The following PCDHA3 variants were observed in gnomAD, a reference collection of about 807,000 sequenced individuals.
PCDHA3 encodes protocadherin alpha 3.
PCDHA3 carries 41 observed loss-of-function variants against 62.2 expected under a neutral mutation model. The observed-to-expected ratio is 0.66, with a 90% confidence interval of 0.51 to 0.86. The LOEUF (loss-of-function observed/expected upper bound fraction) is 0.86. Ranked by LOEUF, PCDHA3 falls within the 40% of genes least tolerant of loss-of-function variation. The pLI, the probability that PCDHA3 is intolerant of heterozygous loss-of-function variation, is 0.00. For synonymous variants in PCDHA3, 640 were observed against 555.4 expected (o/e 1.15, Z -2.14); for missense variants, 1,304 against 1,241.2 (o/e 1.05, Z -0.76).
chr5:140,847,838 T>G (rs1182373979), intron 1 of PCDHA3: 1 of 149,830 alleles, frequency 6.7e-6, no homozygotes, highest in African/African-American at 2.4e-5. Flanking sequence ...CTACCTCAGT[T>G]GGTTGCTACT....
intron 1 of PCDHA3, among the ~76,000 whole-genome samples, chr5:140,952,416 G>A (rs114343205): frequency 2.1e-3 from 324 of 151,824 alleles, no homozygotes; most frequent in African/African-American, 7.0e-3. Flanking sequence ...TTAATGTTCC[G>A]CAGATTCCTA....
intron 1 of PCDHA3, among the ~76,000 whole-genome samples, chr5:140,827,663 G>A (rs1447950540): frequency 1.3e-5 from 2 of 152,174 alleles, no homozygotes; most frequent in Non-Finnish European, 2.9e-5. Context: ...AAGCAGTTCC[G>A]TTAACACTTA....
At chr5:140,848,633 C>A in intron 1 of PCDHA3, 1 of 1,593,314 alleles carries the variant, frequency 6.3e-7, no homozygotes, top group Non-Finnish European at 8.6e-7. Flanking sequence ...CCTTCGTGGG[C>A]CGCATCGCGC....
chr5:140,848,485 G>C (rs1386369016), intron 1 of PCDHA3: 1 of 1,573,026 alleles, frequency 6.4e-7, no homozygotes, highest in Non-Finnish European at 8.7e-7. Flanking sequence ...GAAGAAGACT[G>C]AGTATTTGAA....
chr5:140,945,041 C>T (rs2093729370), intron 1 of PCDHA3, among the ~76,000 whole-genome samples: 1 of 151,978 alleles, frequency 6.6e-6, no homozygotes, highest in African/African-American at 2.4e-5. Flanking sequence ...TATCTTTGGT[C>T]TTATATAAAG....
chr5:140,843,756 G>T, intron 1 of PCDHA3: 5 of 1,503,398 alleles, frequency 3.3e-6, no homozygotes, highest in Admixed American at 1.9e-5. Flanking sequence ...TTCTATTTGT[G>T]GAAATTGTAG....
intron 1 of PCDHA3, among the ~76,000 whole-genome samples, chr5:140,933,690 T>A (rs1382967033): frequency 1.3e-5 from 2 of 152,048 alleles, no homozygotes; most frequent in Non-Finnish European, 2.9e-5. Flanking sequence ...TTTTTCCTAT[T>A]CCTCGGACAC....
intron 1 of PCDHA3, among the ~76,000 whole-genome samples, chr5:140,961,502 T>C (rs6891232): frequency 0.023 from 3,568 of 152,334 alleles, 49 homozygotes; most frequent in Middle Eastern, 0.034. Context: ...TTGGGAGACT[T>C]TGTTTAATGT....
In PCDHA3 at chr5:140,829,895, G is replaced by A. The variant is rs2150177199; in HGVS notation, c.2394+26304G>A. The A allele has an allele frequency of 2.8e-5, 45 of 1,613,856 alleles. No homozygotes were observed. The Admixed American group carries it at 6.2e-4, about 22-fold the overall frequency. On this transcript the variant is annotated intron_variant, in intron 1 of 3. Transcript: ENST00000522353. ...GGTGCGCGCAGTTGACGCCGACTCA[G>A]GCTACAACGCGTGGCTTTCGTATGA...
intron 1 of PCDHA3, chr5:140,877,033 C>A: frequency 6.2e-7 from 1 of 1,612,480 alleles, no homozygotes; most frequent in East Asian, 2.2e-5. Flanking sequence ...GTACGCGCTG[C>A]AGCCGCTAGA....
intron 1 of PCDHA3, among the ~76,000 whole-genome samples, chr5:140,957,226 C>T (rs1421287024): frequency 1.3e-5 from 2 of 152,080 alleles, no homozygotes; most frequent in African/African-American, 4.8e-5. Context: ...TTTGGCGAAG[C>T]ATTTTGGCAT....
intron 1 of PCDHA3, chr5:140,823,306 G>T (rs2150124482): frequency 6.2e-7 from 1 of 1,612,180 alleles, no homozygotes; most frequent in Non-Finnish European, 8.5e-7. Flanking sequence ...TTCGGTGCAC[G>T]CGGAGAGCGG....
chr5:140,973,741 G>C (rs925905924), intron 1 of PCDHA3, among the ~76,000 whole-genome samples: 1 of 152,206 alleles, frequency 6.6e-6, no homozygotes, highest in Admixed American at 6.5e-5. Context: ...GTCTAACTCA[G>C]AACACTCTGC....
intron 1 of PCDHA3, chr5:140,824,631 T>TTTTTTTTTTTTTTTTTTTTTTG (rs1768292344): frequency 8.2e-6 from 1 of 121,430 alleles, no homozygotes; most frequent in Non-Finnish European, 1.7e-5. Context: ...TTTTTTTTTT[T>TTTTTTTTTTTTTTTTTTTTTTG]TATTTTCTGT....
intron 1 of PCDHA3, among the ~76,000 whole-genome samples, chr5:140,940,019 T>C (rs1554213082): frequency 6.6e-6 from 1 of 152,230 alleles, no homozygotes; most frequent in East Asian, 1.9e-4. Context: ...TTGTGTCATA[T>C]GTTTTAAGGC....
At chr5:140,999,138 C>T (rs530740266) in intron 3 of PCDHA3, among the ~76,000 whole-genome samples, 1 of 152,140 alleles carries the variant, frequency 6.6e-6, no homozygotes, top group Non-Finnish European at 1.5e-5. Flanking sequence ...AATGTCACAG[C>T]CGGAAGTCTT....
At chr5:140,987,211 C>T (rs1190567678) in intron 3 of PCDHA3, among the ~76,000 whole-genome samples, 2 of 145,072 alleles carry the variant, frequency 1.4e-5, no homozygotes, top group Non-Finnish European at 3.0e-5. Flanking sequence ...GAGACTCCAT[C>T]TCAAAAAAAA....
At chr5:140,966,543 A>T (rs200134570) in intron 1 of PCDHA3, 4 of 461,074 alleles carry the variant, frequency 8.7e-6, no homozygotes, top group Non-Finnish European at 1.5e-5. Context: ...AGCGACTCGG[A>T]GGCGAGCGGA....
intron 1 of PCDHA3, chr5:140,863,268 G>A: frequency 6.9e-7 from 1 of 1,459,352 alleles, no homozygotes; most frequent in Non-Finnish European, 9.3e-7. Context: ...GGGAGGCAGC[G>A]CTGGTGGATG....
Sources: allele counts gnomAD v4.1 joint callset (sites outside exome capture counted in the v4.1 genomes callset), GRCh38; gene constraint gnomAD v4.1.1; transcripts MANE v1.5; gene names NCBI Gene and HGNC (gene_info 2026-07-23, HGNC 2026-07-21).